The following CTNNA3 variants were observed in gnomAD, a reference collection of about 807,000 sequenced individuals.
The protein encoded by CTNNA3 is catenin alpha-3.
CTNNA3 carries 76 observed loss-of-function variants against 95.7 expected under a neutral mutation model. The ratio of observed to expected loss-of-function variants is 0.79; its 90% CI spans 0.66 to 0.96. The LOEUF (loss-of-function observed/expected upper bound fraction) is 0.96, where lower values mean the gene tolerates loss of function less well. Among genes scored for constraint, CTNNA3 ranks in the 40% least tolerant of loss-of-function variants. The pLI, the probability that CTNNA3 is intolerant of heterozygous loss-of-function variation, is 0.00. For synonymous variants in CTNNA3, 431 were observed against 374.4 expected (o/e 1.15, Z -1.74); for missense variants, 1,191 against 1,089.8 (o/e 1.09, Z -1.31).
At chr10:66,166,494 G>A (rs1485523251) in intron 13 of CTNNA3, among the ~76,000 whole-genome samples, 1 of 80,316 alleles carries the variant, frequency 1.2e-5, no homozygotes, top group Non-Finnish European at 2.3e-5. Flanking sequence ...GTGACAGTCT[G>A]TCTCAAAAAA....
chr10:66,545,440 C>T (rs562697411), intron 10 of CTNNA3, among the ~76,000 whole-genome samples: 2 of 152,142 alleles, frequency 1.3e-5, no homozygotes, highest in African/African-American at 4.8e-5. Flanking sequence ...AAATATAACA[C>T]AAATCCATTC....
intron 10 of CTNNA3, among the ~76,000 whole-genome samples, chr10:66,590,277 A>C (rs1843504565): frequency 6.6e-6 from 1 of 152,096 alleles, no homozygotes; most frequent in African/African-American, 2.4e-5. Context: ...GACTTGCTTA[A>C]AGCCACATCA....
At chr10:66,744,435 G>A (rs2132707472) in intron 9 of CTNNA3, among the ~76,000 whole-genome samples, 1 of 152,164 alleles carries the variant, frequency 6.6e-6, no homozygotes, top group Non-Finnish European at 1.5e-5. Context: ...TAATGAAAAG[G>A]TTAACATTTT....
intron 5 of CTNNA3, among the ~76,000 whole-genome samples, chr10:67,399,058 A>G (rs551243141): frequency 6.6e-6 from 1 of 152,204 alleles, no homozygotes; most frequent in Non-Finnish European, 1.5e-5. Flanking sequence ...GAAGGCCTTC[A>G]TCCTTGTTGT....
At chr10:66,590,472 G>A (rs918096395) in intron 10 of CTNNA3, among the ~76,000 whole-genome samples, 9 of 152,020 alleles carry the variant, frequency 5.9e-5, no homozygotes, top group Non-Finnish European at 1.0e-4. Context: ...TTATCAAAGT[G>A]TATAATTAAA....
At chr10:66,658,176 G>C (rs993837463) in intron 9 of CTNNA3, among the ~76,000 whole-genome samples, 1 of 152,010 alleles carries the variant, frequency 6.6e-6, no homozygotes, top group Non-Finnish European at 1.5e-5. Context: ...ACCTGGGCTT[G>C]AGTCTGATTT....
chr10:67,730,568 G>T (rs1841268721), intron 1 of CTNNA3, among the ~76,000 whole-genome samples: 1 of 152,132 alleles, frequency 6.6e-6, no homozygotes, highest in South Asian at 2.1e-4. Context: ...CATTACGGAA[G>T]AGAACTGAAG....
At chr10:67,693,193 A>G (rs1840902028) in intron 1 of CTNNA3, among the ~76,000 whole-genome samples, 1 of 152,224 alleles carries the variant, frequency 6.6e-6, no homozygotes, top group Non-Finnish European at 1.5e-5. Flanking sequence ...TAAGCATGTG[A>G]AAAATCAGAT....
chr10:66,771,174 T>G (rs1840070957), intron 8 of CTNNA3, among the ~76,000 whole-genome samples: 1 of 152,156 alleles, frequency 6.6e-6, no homozygotes, highest in African/African-American at 2.4e-5. Flanking sequence ...TTTTGTCTGT[T>G]TTTACCAAAA....
intron 5 of CTNNA3, among the ~76,000 whole-genome samples, chr10:67,281,975 T>C (rs1187332256): frequency 6.6e-6 from 1 of 152,118 alleles, no homozygotes; most frequent in Non-Finnish European, 1.5e-5. Flanking sequence ...TCATGATAGG[T>C]CCATATGACA....
chr10:67,362,963 A>T (rs1843048131), intron 5 of CTNNA3, among the ~76,000 whole-genome samples: 1 of 152,036 alleles, frequency 6.6e-6, no homozygotes, highest in Non-Finnish European at 1.5e-5. Context: ...TACACCAATA[A>T]CACTCAAGCT....
chr10:67,229,990 C>T (rs1229323978), intron 5 of CTNNA3, among the ~76,000 whole-genome samples: 2 of 152,050 alleles, frequency 1.3e-5, no homozygotes, highest in African/African-American at 4.8e-5. Flanking sequence ...TCATATGGAA[C>T]CAAAAAAGAA....
At chr10:66,540,616 C>T (rs1841816144) in intron 10 of CTNNA3, among the ~76,000 whole-genome samples, 1 of 151,838 alleles carries the variant, frequency 6.6e-6, no homozygotes, top group Admixed American at 6.6e-5. Context: ...CTTTAGGTCC[C>T]CTCCCCTCCC....
chr10:67,102,261 T>C (rs1010659381), intron 7 of CTNNA3, among the ~76,000 whole-genome samples: 1 of 151,782 alleles, frequency 6.6e-6, no homozygotes, highest in South Asian at 2.1e-4. Context: ...ACCCCAAAGG[T>C]AGGGTACCTG....
intron 5 of CTNNA3, among the ~76,000 whole-genome samples, chr10:67,477,632 G>A (rs574624105): frequency 1.6e-4 from 24 of 152,098 alleles, no homozygotes; most frequent in Non-Finnish European, 3.2e-4. Context: ...CCTAAGAAGC[G>A]GGGAAAGGGA....
At chr10:67,478,739 C>T (rs1460606796) in intron 5 of CTNNA3, among the ~76,000 whole-genome samples, 1 of 151,808 alleles carries the variant, frequency 6.6e-6, no homozygotes, top group East Asian at 1.9e-4. Context: ...TACAAAACAG[C>T]CAGGTAACAA....
At chr10:66,386,471 C>T (rs994004197) in intron 11 of CTNNA3, among the ~76,000 whole-genome samples, 38 of 152,216 alleles carry the variant, frequency 2.5e-4, no homozygotes, top group Non-Finnish European at 4.6e-4. Flanking sequence ...GAAGAACATT[C>T]CATGCTCATG....
At chr10:67,271,666 A>G (rs1251011729) in intron 5 of CTNNA3, among the ~76,000 whole-genome samples, 1 of 152,180 alleles carries the variant, frequency 6.6e-6, no homozygotes, top group Non-Finnish European at 1.5e-5. Context: ...CAGTTTTAGA[A>G]CACTCACAAC....
chr10:67,674,565 T>C (rs1181652106), intron 1 of CTNNA3, among the ~76,000 whole-genome samples: 4 of 152,274 alleles, frequency 2.6e-5, no homozygotes, highest in African/African-American at 9.6e-5. Context: ...GCAGAGAATG[T>C]AGGTTCACAT....
Sources: allele counts gnomAD v4.1 joint callset (sites outside exome capture counted in the v4.1 genomes callset), GRCh38; gene constraint gnomAD v4.1.1; transcripts MANE v1.5; gene names NCBI Gene and HGNC (gene_info 2026-07-23, HGNC 2026-07-21).